RALYL: variants seen among roughly 807,000 people sequenced by gnomAD.
RALYL encodes RALY RNA binding protein like.
In RALYL, 29 loss-of-function variants were observed where a neutral mutation model predicts 35.1. That is an observed-to-expected ratio of 0.83 (90% CI 0.61 to 1.13). The LOEUF is 1.13. Ranked by LOEUF, RALYL falls within the 50% of genes most tolerant of loss-of-function variation. The pLI, the probability that RALYL is intolerant of heterozygous loss-of-function variation, is 0.00. For synonymous variants in RALYL, 120 were observed against 127.6 expected (o/e 0.94, Z 0.40); for missense variants, 359 against 360.4 (o/e 1.00, Z 0.03).
At chr8:84,824,365 A>C (rs1320194185) in intron 4 of RALYL, among the ~76,000 whole-genome samples, 1 of 152,190 alleles carries the variant, frequency 6.6e-6, no homozygotes, top group African/African-American at 2.4e-5. Context: ...CATACATGAC[A>C]CAAACAAATG....
chr8:84,658,776 T>C (rs79887139), intron 2 of RALYL, among the ~76,000 whole-genome samples: 2,175 of 152,100 alleles, frequency 0.014, 61 homozygotes, highest in African/African-American at 0.049. Flanking sequence ...TTGTCATATA[T>C]GGTGTTGAGA....
intron 1 of RALYL, among the ~76,000 whole-genome samples, chr8:84,308,101 GA>G (rs1445992372): frequency 1.4e-5 from 2 of 141,586 alleles, no homozygotes; most frequent in African/African-American, 2.6e-5. Context: ...AGATCACCAA[GA>G]AAAAAATTAG....
At chr8:84,633,154 G>T (rs921971870) in intron 2 of RALYL, among the ~76,000 whole-genome samples, 1 of 151,548 alleles carries the variant, frequency 6.6e-6, no homozygotes, top group African/African-American at 2.4e-5. Flanking sequence ...TTATTAAAAT[G>T]TTAAGAGGCT....
intron 2 of RALYL, among the ~76,000 whole-genome samples, chr8:84,563,820 GA>G (rs2061611274): frequency 6.6e-6 from 1 of 151,538 alleles, no homozygotes; most frequent in African/African-American, 2.4e-5. Flanking sequence ...TATAGATTTT[GA>G]AAAATGTAAT....
chr8:84,608,505 T>C (rs1263697475), intron 2 of RALYL, among the ~76,000 whole-genome samples: 1 of 152,148 alleles, frequency 6.6e-6, no homozygotes, highest in Non-Finnish European at 1.5e-5. Context: ...CTGGACTCCC[T>C]GGATCTGCTA....
intron 2 of RALYL, among the ~76,000 whole-genome samples, chr8:84,726,585 A>G (rs1384788067): frequency 2.0e-5 from 3 of 151,772 alleles, no homozygotes; most frequent in Non-Finnish European, 4.4e-5. Flanking sequence ...TCACATTTAA[A>G]AGAAACCATG....
chr8:84,250,493 G>A (rs980262941), intron 1 of RALYL, among the ~76,000 whole-genome samples: 6 of 151,972 alleles, frequency 3.9e-5, no homozygotes, highest in Non-Finnish European at 7.4e-5. Context: ...AGCCTCCTGA[G>A]TAGCTGGGAT....
chr8:84,634,773 T>C (rs1824676990), intron 2 of RALYL, among the ~76,000 whole-genome samples: 1 of 151,740 alleles, frequency 6.6e-6, no homozygotes, highest in African/African-American at 2.4e-5. Flanking sequence ...GAAAGAGAAC[T>C]TCAAGGAGTT....
At chr8:84,282,826 T>C (rs1407955951) in intron 1 of RALYL, among the ~76,000 whole-genome samples, 1 of 151,842 alleles carries the variant, frequency 6.6e-6, no homozygotes, top group East Asian at 1.9e-4. Flanking sequence ...AGTATATATG[T>C]ATAGGTCACC....
intron 2 of RALYL, among the ~76,000 whole-genome samples, chr8:84,736,159 C>T (rs1356048348): frequency 1.3e-5 from 2 of 152,040 alleles, no homozygotes; most frequent in East Asian, 3.9e-4. Flanking sequence ...TAAGTTTCTT[C>T]CCAGTGCAGT....
chr8:84,833,655 A>AG (rs1272189791), intron 4 of RALYL, among the ~76,000 whole-genome samples: 2 of 151,628 alleles, frequency 1.3e-5, no homozygotes, highest in African/African-American at 4.8e-5. Flanking sequence ...AAAAAAAAAA[A>AG]AAAGAAAGAA....
At chr8:84,522,369 C>T (rs1312414033) in intron 1 of RALYL, among the ~76,000 whole-genome samples, 1 of 151,092 alleles carries the variant, frequency 6.6e-6, no homozygotes, top group East Asian at 2.0e-4. Context: ...CCTGCCTCAG[C>T]CTCCCAAGTA....
intron 4 of RALYL, among the ~76,000 whole-genome samples, chr8:84,814,948 G>A (rs928019227): frequency 3.3e-5 from 5 of 152,194 alleles, no homozygotes; most frequent in Non-Finnish European, 1.5e-5. Context: ...ACGCTACCTA[G>A]GTGATTCTGA....
chr8:84,844,403 T>G (rs548918117), intron 4 of RALYL, among the ~76,000 whole-genome samples: 17 of 152,106 alleles, frequency 1.1e-4, no homozygotes, highest in South Asian at 2.1e-4. Flanking sequence ...GAAATGCAAA[T>G]CAAAACCACA....
At chr8:84,725,632 A>G (rs1274865971) in intron 2 of RALYL, among the ~76,000 whole-genome samples, 1 of 151,756 alleles carries the variant, frequency 6.6e-6, no homozygotes, top group African/African-American at 2.4e-5. Flanking sequence ...GAGTTCTCAC[A>G]TTAGGTAATA....
intron 2 of RALYL, among the ~76,000 whole-genome samples, chr8:84,750,249 A>G (rs1809641835): frequency 6.6e-6 from 1 of 152,212 alleles, no homozygotes; most frequent in Non-Finnish European, 1.5e-5. Flanking sequence ...TTCTTTTACA[A>G]AAAGATACAT....
At chr8:84,775,062 GC>G (rs1205712039) in intron 3 of RALYL, among the ~76,000 whole-genome samples, 2 of 152,090 alleles carry the variant, frequency 1.3e-5, no homozygotes. Context: ...CGATTCTCCT[GC>G]CTCAGCCTCC....
At position 84,625,414 on chromosome 8, in the gene RALYL, C is replaced by T. The variant is rs78605411; in HGVS notation, c.256+95837C>T. On this transcript the variant is annotated intron_variant, in intron 2 of 8. Coordinates refer to ENST00000521268, the MANE Select transcript of RALYL (RefSeq NM_173848.7). ...AAGTGTACTGTATGGCAAGCACTTTCCAGACAACAGAAATAGAAGAAGTAA... is the reference window on the plus strand; with the variant it reads ...AAGTGTACTGTATGGCAAGCACTTTTCAGACAACAGAAATAGAAGAAGTAA... Among the ~76,000 whole-genome samples, 555 of 152,206 alleles carry T rather than the reference C, an allele frequency of 3.6e-3. 7 individuals carry two copies. The East Asian group carries it at 0.046, about 12-fold the overall frequency.
intron 3 of RALYL, among the ~76,000 whole-genome samples, chr8:84,799,006 T>G (rs576495813): frequency 1.3e-5 from 2 of 152,186 alleles, no homozygotes; most frequent in African/African-American, 2.4e-5. Context: ...CTTTTAGTTA[T>G]ATTAATACTA....
Sources: allele counts gnomAD v4.1 joint callset (sites outside exome capture counted in the v4.1 genomes callset), GRCh38; gene constraint gnomAD v4.1.1; transcripts MANE v1.5; gene names NCBI Gene and HGNC (gene_info 2026-07-23, HGNC 2026-07-21).